The following KCND2 variants were observed in gnomAD, a reference collection of about 807,000 sequenced individuals.
The protein encoded by KCND2 is A-type voltage-gated potassium channel KCND2.
A neutral mutation model predicts 54.4 loss-of-function variants in KCND2; 16 were observed. That is an observed-to-expected ratio of 0.29 (90% CI 0.20 to 0.45). The LOEUF is 0.45. Ranked by LOEUF, KCND2 falls within the 20% of genes least tolerant of loss-of-function variation. KCND2 has a pLI of 1.00. For synonymous variants in KCND2, 317 were observed against 310.7 expected, an observed-to-expected ratio of 1.02 and a Z score of -0.21; for missense variants, 486 against 824.2, an observed-to-expected ratio of 0.59 and a Z score of 5.02.
intron 1 of KCND2, among the ~76,000 whole-genome samples, chr7:120,706,110 C>T (rs905966650): frequency 6.6e-6 from 1 of 152,044 alleles, no homozygotes; most frequent in African/African-American, 2.4e-5. Flanking sequence ...GAGGATAGTA[C>T]CCCGACATAA....
intron 1 of KCND2, among the ~76,000 whole-genome samples, chr7:120,476,120 G>T (rs553200258): frequency 6.6e-5 from 10 of 152,320 alleles, no homozygotes; most frequent in African/African-American, 2.4e-4. Context: ...CATGCACAGA[G>T]GGAAAAATGA....
chr7:120,723,779 C>T (rs1339875269), intron 1 of KCND2, among the ~76,000 whole-genome samples: 17 of 152,106 alleles, frequency 1.1e-4, no homozygotes. Context: ...TTTATAGATT[C>T]ATGTTTGTTA....
At chr7:120,292,254 A>G (rs1013544833) in intron 1 of KCND2, among the ~76,000 whole-genome samples, 2 of 151,896 alleles carry the variant, frequency 1.3e-5, no homozygotes, top group African/African-American at 4.8e-5. Context: ...CATTTCTCTG[A>G]TAAGAAAGCA....
At chr7:120,288,995 TG>T (rs1799390095) in intron 1 of KCND2, among the ~76,000 whole-genome samples, 1 of 151,018 alleles carries the variant, frequency 6.6e-6, no homozygotes, top group African/African-American at 2.4e-5. Flanking sequence ...AGAGTATATA[TG>T]GGGGGAGAGA....
chr7:120,358,580 C>T (rs570356920), intron 1 of KCND2, among the ~76,000 whole-genome samples: 3 of 152,162 alleles, frequency 2.0e-5, no homozygotes, highest in African/African-American at 7.2e-5. Context: ...TTAATATCAG[C>T]AATATTGCTG....
chr7:120,444,069 A>G (rs991419667), intron 1 of KCND2, among the ~76,000 whole-genome samples: 4 of 152,058 alleles, frequency 2.6e-5, no homozygotes, highest in African/African-American at 9.7e-5. Flanking sequence ...ATGATGCATT[A>G]ATGAAGTTAA....
chr7:120,386,589 C>T (rs1800991370), intron 1 of KCND2, among the ~76,000 whole-genome samples: 1 of 152,130 alleles, frequency 6.6e-6, no homozygotes, highest in Non-Finnish European at 1.5e-5. Flanking sequence ...TATGACATCC[C>T]TTTCTTTTAT....
At chr7:120,339,012 C>A (rs1487187759) in intron 1 of KCND2, among the ~76,000 whole-genome samples, 1 of 151,800 alleles carries the variant, frequency 6.6e-6, no homozygotes, top group African/African-American at 2.4e-5. Context: ...TCCTGAGTAG[C>A]TGGGACTATA....
chr7:120,303,614 A>G (rs530869675), intron 1 of KCND2, among the ~76,000 whole-genome samples: 2 of 152,330 alleles, frequency 1.3e-5, no homozygotes, highest in Admixed American at 1.3e-4. Flanking sequence ...TCCCAACTTC[A>G]TGCTCTCTTT....
At chr7:120,503,154 CA>C (rs1802961490) in intron 1 of KCND2, among the ~76,000 whole-genome samples, 1 of 151,922 alleles carries the variant, frequency 6.6e-6, no homozygotes, top group African/African-American at 2.4e-5. Context: ...CTTTTGCAAA[CA>C]TCCTAAAATG....
chr7:120,549,740 G>GT (rs1352675576), intron 1 of KCND2, among the ~76,000 whole-genome samples: 1 of 152,068 alleles, frequency 6.6e-6, no homozygotes, highest in Non-Finnish European at 1.5e-5. Flanking sequence ...GTTATAAGGT[G>GT]TTTATTCTCT....
chr7:120,337,206 C>T (rs1800164104), intron 1 of KCND2, among the ~76,000 whole-genome samples: 1 of 151,890 alleles, frequency 6.6e-6, no homozygotes, highest in Non-Finnish European at 1.5e-5. Context: ...TTTTCACCAC[C>T]TAGAAAACCA....
intron 1 of KCND2, among the ~76,000 whole-genome samples, chr7:120,697,302 T>TAAA (rs1454295084): frequency 6.6e-6 from 1 of 152,234 alleles, no homozygotes; most frequent in Non-Finnish European, 1.5e-5. Context: ...GCCAACCACT[T>TAAA]AAAAGTTAAT....
intron 1 of KCND2, among the ~76,000 whole-genome samples, chr7:120,344,624 T>G (rs1373210232): frequency 1.3e-5 from 2 of 152,112 alleles, no homozygotes; most frequent in Non-Finnish European, 2.9e-5. Context: ...AAACTTTTAT[T>G]TAGGACAAAC....
rs528066950 is a variant in KCND2, at chr7:120,642,257, T to G, written c.1116-90646T>G. 2.5e-3 allele frequency among the ~76,000 whole-genome samples: 385 copies of G among 152,130 alleles called. 1 individual carries two copies. The highest frequency in any genetic ancestry group is 4.8e-3 in the Non-Finnish European group (325 of 67,954). Reference sequence around the variant, plus strand: ...AACATGTAGACTAGTTTTTATTACATAAAGTTTTATGGCCGGGCCCGGTGG... The same window carrying G: ...AACATGTAGACTAGTTTTTATTACAGAAAGTTTTATGGCCGGGCCCGGTGG... On this transcript the variant is annotated intron_variant, in intron 1 of 5. Transcript: ENST00000331113.
intron 1 of KCND2, among the ~76,000 whole-genome samples, chr7:120,706,578 G>A (rs1462561229): frequency 6.6e-6 from 1 of 152,134 alleles, no homozygotes; most frequent in Admixed American, 6.6e-5. Context: ...ACCTCTTAAA[G>A]GCCTCCTCTT....
intron 1 of KCND2, among the ~76,000 whole-genome samples, chr7:120,544,022 A>G (rs1417646405): frequency 6.6e-6 from 1 of 152,008 alleles, no homozygotes; most frequent in East Asian, 1.9e-4. Flanking sequence ...TGAGAAAGCA[A>G]ATACTGATGA....
intron 1 of KCND2, among the ~76,000 whole-genome samples, chr7:120,703,050 C>G (rs1792423091): frequency 6.6e-6 from 1 of 152,114 alleles, no homozygotes; most frequent in Non-Finnish European, 1.5e-5. Flanking sequence ...AGAAAATAGC[C>G]TTAAATGTGG....
chr7:120,693,667 C>T (rs141683449), intron 1 of KCND2, among the ~76,000 whole-genome samples: 1 of 152,154 alleles, frequency 6.6e-6, no homozygotes, highest in Admixed American at 6.5e-5. Flanking sequence ...ATTTTATATG[C>T]ACCACCCCAA....
Sources: gnomAD v4.1 joint callset for allele counts (sites outside exome capture counted in the v4.1 genomes callset) on GRCh38, gnomAD v4.1.1 for gene constraint, MANE v1.5 for transcripts, NCBI Gene and HGNC (gene_info 2026-07-23, HGNC 2026-07-21) for gene names.